RELN: variants seen among roughly 807,000 people sequenced by gnomAD.
RELN encodes the protein reelin.
In RELN, 108 loss-of-function variants were observed where a neutral mutation model predicts 427.6. That is an observed-to-expected ratio of 0.25 (90% CI 0.22 to 0.30). The LOEUF (loss-of-function observed/expected upper bound fraction) is 0.30, where lower values mean the gene tolerates loss of function less well. RELN is among the 10% of genes least tolerant of loss of function. The pLI, the probability that RELN is intolerant of heterozygous loss-of-function variation, is 1.00. For synonymous variants in RELN, 1,524 were observed against 1,513.4 expected, an observed-to-expected ratio of 1.01 and a Z score of -0.16; for missense variants, 3,715 against 4,302.8, an observed-to-expected ratio of 0.86 and a Z score of 3.82.
chr7:103,743,410 C>A (rs1445126245), intron 6 of RELN, among the ~76,000 whole-genome samples: 1 of 152,122 alleles, frequency 6.6e-6, no homozygotes, highest in African/African-American at 2.4e-5. Flanking sequence ...TCACACATAA[C>A]AATATTAACC....
chr7:103,771,676 G>C (rs1403871928), intron 4 of RELN, among the ~76,000 whole-genome samples: 1 of 152,150 alleles, frequency 6.6e-6, no homozygotes, highest in African/African-American at 2.4e-5. Context: ...GGCCAAAAGT[G>C]ACGGAGTAGC....
chr7:103,541,228 G>A (rs575162649), intron 43 of RELN, among the ~76,000 whole-genome samples: 2 of 152,270 alleles, frequency 1.3e-5, no homozygotes, highest in East Asian at 1.9e-4. Flanking sequence ...ACCAGCTGGG[G>A]TGCCAATGAA....
intron 10 of RELN, among the ~76,000 whole-genome samples, chr7:103,686,198 G>A (rs543338426): frequency 1.3e-5 from 2 of 152,192 alleles, no homozygotes; most frequent in South Asian, 4.1e-4. Flanking sequence ...GTGGCAGATG[G>A]AATGAAATCT....
At chr7:103,934,674 G>A (rs747261444) in intron 1 of RELN, among the ~76,000 whole-genome samples, 1 of 152,214 alleles carries the variant, frequency 6.6e-6, no homozygotes, top group Non-Finnish European at 1.5e-5. Flanking sequence ...ATGCTGATTG[G>A]CAGCACATGC....
rs897782278 is a variant in RELN at position 103,573,036 on chromosome 7, C to A, written c.4512-776G>T. 1.3e-5 allele frequency among the ~76,000 whole-genome samples: 2 copies of A among 151,826 alleles called. No homozygotes were observed. Among genetic ancestry groups the A allele is most frequent in the Admixed American group, 1.3e-4 (2 of 15,256 alleles). On this transcript the variant is annotated intron_variant, in intron 30 of 64. Coordinates refer to ENST00000428762, the MANE Select transcript of RELN (RefSeq NM_005045.4). This position sits in a 1 kb window ranked among gnomAD's most constrained non-coding sequence, Gnocchi z 4.4. ...TCACTTCAACCTCTGCCTCTTGGGC[C>A]CAAGCGATCCTCCTGCCTCAGCCTC...
At chr7:103,587,193 T>A (rs758125422) in intron 28 of RELN, among the ~76,000 whole-genome samples, 12 of 152,006 alleles carry the variant, frequency 7.9e-5, no homozygotes, top group Admixed American at 5.9e-4. Context: ...CACAGACCAA[T>A]GGAACAGAAT....
chr7:103,819,994 T>C (rs922979784), intron 3 of RELN, among the ~76,000 whole-genome samples: 1 of 152,022 alleles, frequency 6.6e-6, no homozygotes, highest in Non-Finnish European at 1.5e-5. Flanking sequence ...GTTCTGGTGA[T>C]ATATGGATAA....
intron 51 of RELN, among the ~76,000 whole-genome samples, chr7:103,509,589 G>C (rs1181341664): frequency 2.0e-5 from 3 of 152,106 alleles, no homozygotes; most frequent in Non-Finnish European, 2.9e-5. Flanking sequence ...CAGGACATAA[G>C]CATGGGCAAA....
intron 4 of RELN, 86 bp from the exon 5 acceptor site, chr7:103,753,300 A>G (rs943305309): frequency 5.4e-5 from 76 of 1,399,048 alleles, no homozygotes; most frequent in Non-Finnish European, 7.6e-5. Context: ...CAGTTATAAA[A>G]CTTAAGTCAC....
chr7:103,647,404 A>C (rs142695831), intron 16 of RELN, among the ~76,000 whole-genome samples: 1 of 152,094 alleles, frequency 6.6e-6, no homozygotes, highest in Non-Finnish European at 1.5e-5. Context: ...GAACATTTAT[A>C]TATAACGATA....
chr7:103,541,860 G>A (rs1413680735), intron 43 of RELN, among the ~76,000 whole-genome samples: 2 of 152,100 alleles, frequency 1.3e-5, no homozygotes, highest in African/African-American at 2.4e-5. Flanking sequence ...TTATAACTGT[G>A]TAATTATTTC....
chr7:103,948,913 G>C (rs535303952), intron 1 of RELN, among the ~76,000 whole-genome samples: 110 of 150,690 alleles, frequency 7.3e-4, no homozygotes, highest in African/African-American at 2.5e-3. Context: ...TACTCAGGAG[G>C]CTAAGGTAGG....
chr7:103,553,040 T>A (rs1238114621), intron 40 of RELN, among the ~76,000 whole-genome samples: 1 of 152,086 alleles, frequency 6.6e-6, no homozygotes, highest in Non-Finnish European at 1.5e-5. Context: ...TAAAACAGTA[T>A]TATCTGTAAA....
intron 6 of RELN, among the ~76,000 whole-genome samples, chr7:103,739,282 A>G (rs147616466): frequency 8.5e-4 from 130 of 152,348 alleles, no homozygotes; most frequent in African/African-American, 3.0e-3. Flanking sequence ...TTGATGTTCA[A>G]TAGTAGCTGC....
At chr7:103,474,232 C>A (rs1827953156) in intron 64 of RELN, among the ~76,000 whole-genome samples, 1 of 152,012 alleles carries the variant, frequency 6.6e-6, no homozygotes, top group Non-Finnish European at 1.5e-5. Context: ...AATTGAATTT[C>A]ATCAGATATG....
At chr7:103,644,358 C>T (rs991844802) in intron 16 of RELN, among the ~76,000 whole-genome samples, 1 of 147,478 alleles carries the variant, frequency 6.8e-6, no homozygotes, top group Admixed American at 6.8e-5. Context: ...AAACATCAGA[C>T]AATCAATTCA....
At chr7:103,729,664 T>G (rs1399104968) in intron 6 of RELN, among the ~76,000 whole-genome samples, 1 of 152,170 alleles carries the variant, frequency 6.6e-6, no homozygotes, top group African/African-American at 2.4e-5. Context: ...GTAAGGACAA[T>G]AAACCTGTCT....
intron 1 of RELN, among the ~76,000 whole-genome samples, chr7:103,952,792 T>C (rs1194223611): frequency 6.6e-6 from 1 of 152,224 alleles, no homozygotes; most frequent in Admixed American, 6.5e-5. Flanking sequence ...TTATATTGTT[T>C]AAGCATAAGG....
intron 61 of RELN, among the ~76,000 whole-genome samples, chr7:103,485,683 CATTAACCCTCAGCAA>C (rs1460630244): frequency 5.3e-5 from 8 of 152,200 alleles, no homozygotes; most frequent in Non-Finnish European, 4.4e-5. Flanking sequence ...CTCTACTCTG[CATTAACCCTCAGCAA>C]TTTAACCCTC....
Sources: gnomAD v4.1 joint callset for allele counts (sites outside exome capture counted in the v4.1 genomes callset) on GRCh38, gnomAD v4.1.1 for gene constraint, Gnocchi (gnomAD v3.1) non-coding constraint, MANE v1.5 for transcripts, NCBI Gene and HGNC (gene_info 2026-07-23, HGNC 2026-07-21) for gene names.